POLR2F: variants seen among roughly 807,000 people sequenced by gnomAD.
POLR2F encodes the protein DNA-directed RNA polymerases I, II, and III subunit RPABC2.
Under a neutral mutation model 22.7 loss-of-function variants are expected in POLR2F, and 12 were observed. That is an observed-to-expected ratio of 0.53 (90% CI 0.34 to 0.86). POLR2F has a LOEUF of 0.86. Among genes scored for constraint, POLR2F ranks in the 40% least tolerant of loss-of-function variants. POLR2F has a pLI of 0.02. For missense variants in POLR2F, 126 were observed against 171.5 expected (o/e 0.73, Z 1.48); for synonymous variants, 57 against 66.0 (o/e 0.86, Z 0.66).
Position 37,986,273 on chromosome 22 carries a change from G to C in POLR2F, c.83G>C (p.Cys28Ser), listed in dbSNP as rs201989218. Reference sequence around the variant, plus strand: ...GCAGTCGCCTCCAACACCCGCTGCTGCCCGCCCGCTGCCTGCCTGCCTGGC... The same window carrying C: ...GCAGTCGCCTCCAACACCCGCTGCTCCCCGCCCGCTGCCTGCCTGCCTGGC... Residue 28 changes from cysteine to serine, a missense_variant, in exon 1 of 3, where the codon TGC (cysteine) becomes TCC (serine). Coordinates refer to the POLR2F transcript ENST00000333418. The surrounding 1 kb of genome is among the most constrained non-coding windows in gnomAD (Gnocchi z 4.7). 15 of 1,538,928 alleles carry C rather than the reference G, an allele frequency of 9.7e-6. No individual in the cohort carries two copies. In the East Asian group the frequency reaches 3.4e-4, roughly 35 times the overall value.
downstream of POLR2F, among the ~76,000 whole-genome samples, chr22:38,030,124 G>C (rs1373724394): frequency 6.6e-6 from 1 of 152,216 alleles, no homozygotes; most frequent in African/African-American, 2.4e-5. Context: ...TGGGCCTGAA[G>C]CTGGGGATGG....
chr22:38,011,701 C>A (rs1233790978), intron 1 of POLR2F, among the ~76,000 whole-genome samples: 1 of 152,022 alleles, frequency 6.6e-6, no homozygotes, highest in Non-Finnish European at 1.5e-5. Context: ...TCCTCCAATT[C>A]TGTTCTTCTT....
At chr22:38,014,975 T>G (rs1441640419) in intron 1 of POLR2F, among the ~76,000 whole-genome samples, 1 of 151,574 alleles carries the variant, frequency 6.6e-6, no homozygotes, top group Non-Finnish European at 1.5e-5. Flanking sequence ...GCCCGGCTAA[T>G]TTTTGTATTT....
chr22:38,016,052 A>G lies in POLR2F; in HGVS notation c.121-9817A>G, dbSNP rs1178417068. ...CTCTCTAGCCCACACCAGCAGTGTC[A>G]GGCCCACTGCCCTAGGCTCCTACAT... is the stretch of plus-strand genomic sequence containing the variant. On this transcript the variant is annotated intron_variant, in intron 1 of 2. Coordinates refer to the POLR2F transcript ENST00000333418. The surrounding 1 kb of genome is among the most constrained non-coding windows in gnomAD (Gnocchi z 4.4). Among the ~76,000 whole-genome samples, 1 of 152,104 alleles carries G rather than the reference A, an allele frequency of 6.6e-6. No individual in the cohort carries two copies. Among genetic ancestry groups the G allele is most frequent in the African/African-American group, 2.4e-5 (1 of 41,394 alleles).
chr22:38,002,929 G>C (rs1434532976), intron 1 of POLR2F, among the ~76,000 whole-genome samples: 1 of 152,048 alleles, frequency 6.6e-6, no homozygotes, highest in Non-Finnish European at 1.5e-5. Flanking sequence ...GTTTCACCGT[G>C]TTAGCCAGAA....
chr22:37,992,390 C>CT lies in POLR2F; in HGVS notation c.120+6091dup, dbSNP rs922923630. ...GGGTTTAGAGTAGTCATTGCTTCTT[C>CT]TTTTTTTTTTTTTCTAGACAGAGTC... On this transcript the variant is annotated intron_variant, in intron 1 of 2. Transcript: ENST00000333418. Among the ~76,000 whole-genome samples, 799 of 145,340 alleles carry CT rather than the reference C, an allele frequency of 5.5e-3. 4 individuals are homozygous for CT. Among genetic ancestry groups the CT allele is most frequent in the African/African-American group, 0.015 (602 of 39,916 alleles).
At chr22:38,011,161 G>C (rs1369859223) in intron 1 of POLR2F, among the ~76,000 whole-genome samples, 1 of 152,148 alleles carries the variant, frequency 6.6e-6, no homozygotes, top group African/African-American at 2.4e-5. Flanking sequence ...GAGTGCAGTG[G>C]AATGATCACA....
At chr22:38,012,847 C>G (rs2084883120) in intron 1 of POLR2F, among the ~76,000 whole-genome samples, 1 of 152,214 alleles carries the variant, frequency 6.6e-6, no homozygotes, top group Non-Finnish European at 1.5e-5. Flanking sequence ...GCCCTATCAT[C>G]ACGTCATTGC....
In POLR2F at chr22:38,031,866, T is replaced by C. The variant is rs566188941; in HGVS notation, c.453-9202T>C. ...TGACTCATCCATCCCCTTCATCCCC[T>C]ATGGCTAGTCATCGGCCATGACAAT... On this transcript the variant is annotated intron_variant, in intron 5 of 5. Transcript: ENST00000407936. This position sits in a 1 kb window ranked among gnomAD's most constrained non-coding sequence, Gnocchi z 4.1. Among the ~76,000 whole-genome samples, 2 of 152,208 alleles carry C rather than the reference T, an allele frequency of 1.3e-5. No homozygotes were observed. The highest frequency in any genetic ancestry group is 4.1e-4 in the South Asian group (2 of 4,820).
At chr22:38,040,713 T>G (rs552619319) in intron 5 of POLR2F, 79 of 370,018 alleles carry the variant, frequency 2.1e-4, no homozygotes, top group Non-Finnish European at 3.7e-4. Flanking sequence ...GAGGCAATGG[T>G]TAACTCCTGT....
chr22:37,974,141 C>T, downstream of POLR2F: 2 of 1,611,626 alleles, frequency 1.2e-6, no homozygotes. The surrounding 1 kb of genome is among the most constrained non-coding windows in gnomAD (Gnocchi z 5.4). Flanking sequence ...GTCTGCCTTG[C>T]CCGACTGCAG....
intron 1 of POLR2F, among the ~76,000 whole-genome samples, chr22:38,004,294 T>C (rs2084801405): frequency 6.6e-6 from 1 of 151,840 alleles, no homozygotes. Context: ...GGGGCTGGAG[T>C]GTTAACACCG....
chr22:37,983,848 C>A, upstream of POLR2F: 1 of 1,308,684 alleles, frequency 7.6e-7, no homozygotes, highest in Non-Finnish European at 9.8e-7. The surrounding 1 kb of genome is among the most constrained non-coding windows in gnomAD (Gnocchi z 9.5). Context: ...CCGGGGTCCT[C>A]GCAAAGAGTC....
chr22:38,030,387 A>G (rs976543833), downstream of POLR2F, among the ~76,000 whole-genome samples: 1 of 152,172 alleles, frequency 6.6e-6, no homozygotes, highest in Admixed American at 6.5e-5. Context: ...AAAAAGTCCC[A>G]TCAGGGCAGG....
chr22:37,968,253 C>A lies in POLR2F; in HGVS notation c.*538C>A, dbSNP rs1318963554. 31 of 985,366 alleles carry A rather than the reference C, an allele frequency of 3.1e-5. No homozygotes were observed. The highest frequency in any genetic ancestry group is 6.1e-5 in the Admixed American group (1 of 16,272). The allele number at this position is 985,366 out of a possible 1,614,324, so 61.0% of individuals were successfully genotyped here. A position where few individuals can be genotyped will look rare whatever the true frequency, so the allele number is the denominator to read the frequency against. ...GGAAGCGTGGGGGTGTGCTGATCTC[C>A]CACCCTCCCCAGGCAGAGCCCTGCT... On this transcript the variant is annotated 3_prime_UTR_variant, in exon 5 of 5. Transcript: ENST00000442738.
intron 5 of POLR2F, among the ~76,000 whole-genome samples, chr22:38,038,600 C>T (rs1601922274): frequency 6.6e-6 from 1 of 152,102 alleles, no homozygotes; most frequent in African/African-American, 2.4e-5. Flanking sequence ...AAATCTCTCC[C>T]TGTCTCTCTC....
upstream of POLR2F, chr22:37,984,537 C>G (rs373169730): frequency 6.6e-6 from 1 of 150,464 alleles, no homozygotes; most frequent in Non-Finnish European, 1.5e-5. The surrounding 1 kb of genome is among the most constrained non-coding windows in gnomAD (Gnocchi z 4.4). Context: ...CCGGACAGCC[C>G]GAGACTGACT....
intron 1 of POLR2F, chr22:38,025,635 G>A: frequency 1.3e-6 from 2 of 1,562,474 alleles, no homozygotes; most frequent in Non-Finnish European, 1.7e-6. Flanking sequence ...CTGGCCCACA[G>A]CCTAGGCTCT....
At chr22:37,971,953 C>T (rs1265910084), downstream of POLR2F, among the ~76,000 whole-genome samples, 1 of 151,626 alleles carries the variant, frequency 6.6e-6, no homozygotes, top group African/African-American at 2.4e-5. Flanking sequence ...GGCTTCAGTC[C>T]CTGAGCTCAG....
Sources: gnomAD v4.1 joint callset for allele counts (sites outside exome capture counted in the v4.1 genomes callset) on GRCh38, gnomAD v4.1.1 for gene constraint, Gnocchi (gnomAD v3.1) non-coding constraint, MANE v1.5 for transcripts, NCBI Gene and HGNC (gene_info 2026-07-23, HGNC 2026-07-21) for gene names.